The following DCST1 variants were observed in gnomAD, a reference collection of about 807,000 sequenced individuals.
DCST1 encodes E3 ubiquitin-protein ligase DCST1.
Under a neutral mutation model 89.1 loss-of-function variants are expected in DCST1, and 78 were observed. That is an observed-to-expected ratio of 0.88 (90% confidence interval 0.73 to 1.06). DCST1 has a LOEUF of 1.06. DCST1 is among the 50% of genes least tolerant of loss of function. The pLI is 0.00. For synonymous variants in DCST1, 364 were observed against 371.9 expected, an observed-to-expected ratio of 0.98 and a Z score of 0.24; for missense variants, 900 against 928.6, an observed-to-expected ratio of 0.97 and a Z score of 0.40.
rs757073967 is a variant in DCST1, at chr1:155,047,898, G to A, written c.1724G>A (p.Arg575Gln). Reference protein sequence around the residue: ...CLLQAFGYRLRRVIAAFYFPK... With the variant: ...CLLQAFGYRLQRVIAAFYFPK... ...TTACAGGCTTTTGGCTACCGACTCC[G>A]GAGGGTCATCGCAGCCTTCTACTTC... The change falls in exon 15 of 17, where the codon CGG becomes CAG. Residue 575 changes from arginine to glutamine, a missense_variant. Coordinates refer to ENST00000295542, the MANE Select transcript of DCST1 (RefSeq NM_152494.4). The A allele has an allele frequency of 5.0e-6, 8 of 1,613,932 alleles. No homozygotes were observed. The highest frequency in any genetic ancestry group is 4.4e-5 in the South Asian group (4 of 91,088).
chr1:155,048,271 G>A (rs1285886284), intron 16 of DCST1, 101 bp downstream of exon 16: 17 of 907,948 alleles, frequency 1.9e-5, no homozygotes, highest in Middle Eastern at 4.4e-4. Context: ...ACCAATGGTC[G>A]CAGGCCTACT....
chr1:155,043,326 G>A (rs1193500856), intron 9 of DCST1, 26 bp from the exon 10 acceptor site: 2 of 1,613,942 alleles, frequency 1.2e-6, no homozygotes, highest in Non-Finnish European at 1.7e-6. Flanking sequence ...GCCGCAGGCT[G>A]AGTTTGCTCA....
At chr1:155,042,959 A>T in intron 9 of DCST1, 103 bp downstream of exon 9, 5 of 1,351,532 alleles carry the variant, frequency 3.7e-6, no homozygotes, top group Non-Finnish European at 4.9e-6. Flanking sequence ...CACAGGAAAG[A>T]GGTGACCAGG....
Position 155,050,825 on chromosome 1 carries a change from C to T in DCST1, c.2078C>T (p.Ser693Phe). Residue 693 changes from serine (S) to phenylalanine (F), a missense_variant, in exon 17 of 17, where the codon TCC becomes TTC. Physicochemically the swap from Ser to Phe is radical, Grantham distance 155. Coordinates refer to ENST00000295542, the MANE Select transcript of DCST1 (RefSeq NM_152494.4). ...ACGCCCCGCGAAGAGCTCTCTTCCTCCGCCTTTAGTGACAGCAACGACGAC... is the reference window on the plus strand; with the variant it reads ...ACGCCCCGCGAAGAGCTCTCTTCCTTCGCCTTTAGTGACAGCAACGACGAC... ...VCTPREELSSSAFSDSNDDTA... is the reference protein window; with the variant it reads ...VCTPREELSSFAFSDSNDDTA... 3 of 1,612,968 alleles carry T rather than the reference C, an allele frequency of 1.9e-6. No homozygotes were observed. Among genetic ancestry groups the T allele is most frequent in the African/African-American group, 1.3e-5 (1 of 75,022 alleles).
chr1:155,044,822 T>C (rs1023218912), intron 10 of DCST1, among the ~76,000 whole-genome samples: 4 of 151,398 alleles, frequency 2.6e-5, no homozygotes, highest in Admixed American at 6.6e-5. Context: ...CCTCAGGAAG[T>C]CTGGAGGGAG....
rs1371195077 is a variant in DCST1 at position 155,047,782 on chromosome 1, C to T, written c.1613-5C>T. 1.2e-6 allele frequency: 2 copies of T among 1,613,306 alleles called. No homozygotes were observed. The highest frequency in any genetic ancestry group is 8.5e-7 in the Non-Finnish European group (1 of 1,179,954). ...GACCAGACCCCTGGCCTGCCCCTCC[C>T]CTAGCCTGCCTGCCCCAGCCTGTGG... On this transcript the variant is annotated splice_polypyrimidine_tract_variant and splice_region_variant and intron_variant, in intron 14 of 16. Coordinates refer to ENST00000295542, the MANE Select transcript of DCST1 (RefSeq NM_152494.4).
At position 155,040,639 on chromosome 1, in the gene DCST1, C is replaced by A. The variant is rs1361128769; in HGVS notation, c.531+15C>A. ...AGGACCTGCTGGTCAGGAATCTGCA[C>A]AGGCAGAGCCTGGGGGGTCCCTCTC... On this transcript the variant is annotated intron_variant, in intron 6 of 16. Coordinates refer to ENST00000295542, the MANE Select transcript of DCST1 (RefSeq NM_152494.4). 2.6e-6 allele frequency: 4 copies of A among 1,553,288 alleles called. No homozygotes were observed. The highest frequency in any genetic ancestry group is 2.6e-6 in the Non-Finnish European group (3 of 1,146,022).
At chr1:155,039,552 G>A in intron 5 of DCST1, 21 bp downstream of exon 5, 1 of 1,548,640 alleles carries the variant, frequency 6.5e-7, no homozygotes, top group African/African-American at 1.4e-5. Flanking sequence ...GGGGGCCAGT[G>A]AGTTACACTG....
In DCST1 at chr1:155,039,500, C is replaced by T. The variant is rs1660370113; in HGVS notation, c.360C>T (p.Val120=). 6.2e-7 allele frequency: 1 copy of T among 1,602,018 alleles called. No homozygotes were observed. Among genetic ancestry groups the T allele is most frequent in the African/African-American group, 1.3e-5 (1 of 74,564 alleles). The change falls in exon 5 of 17, where the codon GTC becomes GTT. Residue 120 remains valine, a synonymous_variant. Transcript: ENST00000295542. ...TGGGCAAGGAAGGCAGGCTCTTTGT[C>T]CTGGGATACGCCTTGGCTGCCATCT... is the stretch of plus-strand genomic sequence containing the variant. ...KMLGKEGRLF[V]LGYALAAIYV...
chr1:155,034,547 G>T lies in DCST1; in HGVS notation c.174G>T (p.Gly58=), dbSNP rs1195942879. 1.9e-6 allele frequency: 3 copies of T among 1,613,622 alleles called. No individual in the cohort carries two copies. In the African/African-American group the frequency reaches 4.0e-5, roughly 22 times the overall value. Residue 58 remains glycine (G), a synonymous_variant, in exon 3 of 17, where the codon GGG becomes GGT. Coordinates refer to ENST00000295542, the MANE Select transcript of DCST1 (RefSeq NM_152494.4). ...TCCTGCTGGGGGCAGGCGCTGGGGG[G>T]CTCCTGGCCATAGGTGAGTGTGGAA... ...TALLLGAGAG[G]LLAIGLFQLL...
At chr1:155,037,054 C>T (rs7543463) in intron 4 of DCST1, among the ~76,000 whole-genome samples, 3,652 of 150,956 alleles carry the variant, frequency 0.024, 64 homozygotes, top group Admixed American at 0.048. Context: ...GAGCCACCAA[C>T]GCCCCATCAA....
chr1:155,041,996 C>T (rs2102355712), intron 8 of DCST1, 139 bp downstream of exon 8: 4 of 1,177,316 alleles, frequency 3.4e-6, no homozygotes, highest in South Asian at 1.5e-5. Flanking sequence ...GAGCCCTCCA[C>T]CTGCTGAATA....
chr1:155,047,342 G>C, intron 14 of DCST1, 30 bp downstream of exon 14: 1 of 1,591,106 alleles, frequency 6.3e-7, no homozygotes, highest in East Asian at 2.2e-5. Flanking sequence ...TGGATCAGAG[G>C]AATCGAGGGC....
rs111949725 is a variant in DCST1, at chr1:155,040,763, A to G, written c.531+139A>G. Reference sequence around the variant, plus strand: ...ATTTTTTGCAGAACTATTCCCAAACATTGCAGAACGTGCCCTGGTCCTGGT... The same window carrying G: ...ATTTTTTGCAGAACTATTCCCAAACGTTGCAGAACGTGCCCTGGTCCTGGT... On this transcript the variant is annotated intron_variant, in intron 6 of 16. Coordinates refer to ENST00000295542, the MANE Select transcript of DCST1 (RefSeq NM_152494.4). 48 of 1,315,074 alleles carry G rather than the reference A, an allele frequency of 3.6e-5. No individual in the cohort carries two copies. The African/African-American group carries it at 6.0e-4, about 16-fold the overall frequency. 81.5% of individuals were successfully genotyped at this position (1,315,074 alleles called of 1,614,324 possible). A position where few individuals can be genotyped will look rare whatever the true frequency, so the allele number is the denominator to read the frequency against.
At position 155,041,569 on chromosome 1, in the gene DCST1, C is replaced by G; in HGVS notation, c.704C>G (p.Ser235Trp). Residue 235 changes from serine (S) to tryptophan (W), a missense_variant, in exon 7 of 17, where the codon TCG becomes TGG. By Grantham distance (177) the Ser-to-Trp change is radical. Transcript: ENST00000295542. ...GCCCCAGCCTCCAGACTCCACCTGTCGACACAGAAGATGTATGAGCTGAAG... is the reference window on the plus strand; with the variant it reads ...GCCCCAGCCTCCAGACTCCACCTGTGGACACAGAAGATGTATGAGCTGAAG... Reference protein sequence around the residue: ...RQAPASRLHLSTQKMYELKTK... With the variant: ...RQAPASRLHLWTQKMYELKTK... 6.2e-7 allele frequency: 1 copy of G among 1,614,084 alleles called. No individual in the cohort carries two copies.
Position 155,041,758 on chromosome 1 carries a change from C to A in DCST1, c.793C>A (p.Arg265Ser). Residue 265 changes from arginine (R) to serine (S), a missense_variant, in exon 8 of 17, where the codon CGC (arginine) becomes AGC (serine). Coordinates refer to ENST00000295542, the MANE Select transcript of DCST1 (RefSeq NM_152494.4). The part of the protein sequence containing the change: ...AILSCRRWFD[R>S]KHEQCMKHIW... ...ACTCAGCTGCCGTCGTTGGTTTGACCGCAAGCATGAACAGTGCATGAAGCA... is the reference window on the plus strand; with the variant it reads ...ACTCAGCTGCCGTCGTTGGTTTGACAGCAAGCATGAACAGTGCATGAAGCA... 1 of 1,614,230 alleles carries A rather than the reference C, an allele frequency of 6.2e-7. No individual in the cohort carries two copies. Among genetic ancestry groups the A allele is most frequent in the Non-Finnish European group, 8.5e-7 (1 of 1,180,042 alleles).
At chr1:155,043,133 G>C (rs1371071925) in intron 9 of DCST1, among the ~76,000 whole-genome samples, 1 of 152,146 alleles carries the variant, frequency 6.6e-6, no homozygotes, top group Non-Finnish European at 1.5e-5. Context: ...TGGGGTGGGA[G>C]CTATCAGCCA....
Position 155,040,561 on chromosome 1 carries a change from C to T in DCST1, c.468C>T (p.Asn156=). ...SLGCTVELQI[N]NTRAAWRIST... is the part of the protein sequence containing the mutation. ...GCTGCACCGTGGAGCTGCAGATCAA[C>T]AACACCCGCGCAGCTTGGCGCATCT... The change falls in exon 6 of 17, where the codon AAC becomes AAT. Residue 156 remains asparagine, a synonymous_variant. Coordinates refer to ENST00000295542, the MANE Select transcript of DCST1 (RefSeq NM_152494.4). 6.3e-7 allele frequency: 1 copy of T among 1,591,224 alleles called. No individual in the cohort carries two copies. Among genetic ancestry groups the T allele is most frequent in the Non-Finnish European group, 8.6e-7 (1 of 1,167,942 alleles).
At position 155,046,031 on chromosome 1, in the gene DCST1, T is replaced by G. The variant is rs367618892; in HGVS notation, c.1272+39T>G. The stretch of plus-strand genomic sequence containing the variant: ...GCACTGCCCGGGGATGCCTTGCTGC[T>G]GTGTGCCCTGTGTGGGTTCATGCTC... On this transcript the variant is annotated intron_variant, in intron 11 of 16. Transcript: ENST00000295542. The G allele has an allele frequency of 1.1e-4, 177 of 1,612,726 alleles. No homozygotes were observed. Among genetic ancestry groups the G allele is most frequent in the Non-Finnish European group, 1.4e-4 (166 of 1,178,838 alleles).
Sources: allele counts gnomAD v4.1 joint callset (sites outside exome capture counted in the v4.1 genomes callset), GRCh38; gene constraint gnomAD v4.1.1; transcripts MANE v1.5; gene names NCBI Gene and HGNC (gene_info 2026-07-23, HGNC 2026-07-21).